CECR2: variants seen among roughly 807,000 people sequenced by gnomAD.
CECR2 encodes the protein chromatin remodeling regulator CECR2.
CECR2 carries 30 observed loss-of-function variants against 154.5 expected under a neutral mutation model. That is an observed-to-expected ratio of 0.19 (90% CI 0.15 to 0.26). CECR2 has a LOEUF of 0.26. Ranked by LOEUF, CECR2 falls within the 10% of genes least tolerant of loss-of-function variation. The probability of loss-of-function intolerance (pLI) is 1.00; values close to 1 mark genes in which losing one functional copy is unlikely to be tolerated. For missense variants in CECR2, 1,743 were observed against 1,829.3 expected (o/e 0.95, Z 0.86); for synonymous variants, 725 against 683.7 (o/e 1.06, Z -0.94).
At chr22:17,426,333 G>A (rs150967839) in intron 1 of CECR2, among the ~76,000 whole-genome samples, 56 of 152,124 alleles carry the variant, frequency 3.7e-4, no homozygotes, top group African/African-American at 1.3e-3. Flanking sequence ...AAGTCCATAT[G>A]TTGTAAATGG....
intron 8 of CECR2, among the ~76,000 whole-genome samples, chr22:17,520,336 C>G (rs925874687): frequency 2.0e-5 from 3 of 151,976 alleles, no homozygotes; most frequent in African/African-American, 4.8e-5. Flanking sequence ...ATTTTGGGGT[C>G]TGACATACAT....
At chr22:17,362,375 A>G (rs2062981376) in intron 1 of CECR2, among the ~76,000 whole-genome samples, 1 of 152,110 alleles carries the variant, frequency 6.6e-6, no homozygotes, top group Non-Finnish European at 1.5e-5. Flanking sequence ...GGGCCAAGTG[A>G]GTACTGATTA....
At chr22:17,426,297 A>C (rs1193379087) in intron 1 of CECR2, among the ~76,000 whole-genome samples, 1 of 138,878 alleles carries the variant, frequency 7.2e-6, no homozygotes, top group Non-Finnish European at 1.5e-5. Flanking sequence ...TACTTTTTAC[A>C]ATTTGTTTAA....
At chr22:17,504,612 T>A (rs1200401775) in intron 6 of CECR2, among the ~76,000 whole-genome samples, 2 of 151,412 alleles carry the variant, frequency 1.3e-5, no homozygotes, top group Non-Finnish European at 2.9e-5. Flanking sequence ...AATTTTTTTT[T>A]TTCTATTTTT....
At position 17,505,010 on chromosome 22, in the gene CECR2, C is replaced by T. The variant is rs908157469; in HGVS notation, c.864C>T (p.Ala288=). The T allele has an allele frequency of 1.9e-6, 3 of 1,613,040 alleles. No individual in the cohort carries two copies. Among genetic ancestry groups the T allele is most frequent in the Non-Finnish European group, 2.5e-6 (3 of 1,179,722 alleles). Residue 288 remains alanine, a synonymous_variant, in exon 7 of 19, where the codon GCC becomes GCT. Coordinates refer to ENST00000262608, the MANE Select transcript of CECR2 (RefSeq NM_001290047.2). ...DFLPEICNMI[A]QKGKRPQRTK... ...TGCCTGAGATCTGCAACATGATCGC[C>T]CAGAAGGTGCGCCACACTCTCTGCT...
At chr22:17,470,831 G>A (rs1314099893) in intron 1 of CECR2, among the ~76,000 whole-genome samples, 1 of 152,126 alleles carries the variant, frequency 6.6e-6, no homozygotes, top group East Asian at 1.9e-4. Flanking sequence ...AACTAACAGT[G>A]TGTTCTGCAG....
At chr22:17,383,451 T>C (rs1413409897) in intron 1 of CECR2, among the ~76,000 whole-genome samples, 1 of 152,156 alleles carries the variant, frequency 6.6e-6, no homozygotes, top group Admixed American at 6.6e-5. Context: ...TTCTAAATCT[T>C]TTGTTGTCAT....
chr22:17,548,753 C>A lies in CECR2; in HGVS notation c.3466C>A (p.Gln1156Lys). The A allele has an allele frequency of 6.2e-7, 1 of 1,613,792 alleles. No homozygotes were observed. The highest frequency in any genetic ancestry group is 8.5e-7 in the Non-Finnish European group (1 of 1,179,848). The stretch of plus-strand genomic sequence containing the variant: ...AGGGAAGTCCCCAGCATCCCATCCC[C>A]AGCATTTTCCCCCAAGGGGCTTTCA... ...MGGKSPASHP[Q>K]HFPPRGFQSN... is the part of the protein sequence containing the mutation. Residue 1156 changes from glutamine (Q) to lysine (K), a missense_variant, in exon 17 of 19, where the codon CAG (glutamine) becomes AAG (lysine). Around this residue, in one of 4 missense-constraint regions of CECR2, gnomAD observed 1,250 missense variants for 1,192.1 expected, o/e 1.05. Transcript: ENST00000262608.
chr22:17,551,481 G>A (rs1222863644), intron 17 of CECR2, among the ~76,000 whole-genome samples: 1 of 152,164 alleles, frequency 6.6e-6, no homozygotes, highest in Non-Finnish European at 1.5e-5. Flanking sequence ...GAGTGTTCCA[G>A]ATTCCAGATT....
In CECR2 at chr22:17,471,135, C is replaced by G. The variant is rs779531666; in HGVS notation, c.127-6453C>G. On this transcript the variant is annotated intron_variant, in intron 1 of 18. Coordinates refer to ENST00000262608, the MANE Select transcript of CECR2 (RefSeq NM_001290047.2). ...AGCAATACAAAGTCAAAGTAAAACTCTAGGAACCTGTGCCATTTTTACCCT... is the reference window on the plus strand; with the variant it reads ...AGCAATACAAAGTCAAAGTAAAACTGTAGGAACCTGTGCCATTTTTACCCT... Among the ~76,000 whole-genome samples the G allele has an allele frequency of 3.3e-4, 51 of 152,312 alleles. 1 individual carries two copies. Among genetic ancestry groups the G allele is most frequent in the Admixed American group, 9.8e-4 (15 of 15,300 alleles).
chr22:17,552,773 A>ATTTTTTTTTT, intron 18 of CECR2, 62 bp from the exon 19 acceptor site: 2 of 395,760 alleles, frequency 5.1e-6, no homozygotes, highest in Admixed American at 5.9e-5. Flanking sequence ...GGCTTACTTA[A>ATTTTTTTTTT]GTTTTTTTTT....
intron 1 of CECR2, among the ~76,000 whole-genome samples, chr22:17,462,650 T>G (rs1409711994): frequency 6.6e-6 from 1 of 152,148 alleles, no homozygotes; most frequent in African/African-American, 2.4e-5. Flanking sequence ...CTGCAGTGGC[T>G]CACGCCTGTA....
intron 1 of CECR2, chr22:17,477,294 A>C (rs1218281293): frequency 1.6e-6 from 1 of 608,226 alleles, no homozygotes; most frequent in African/African-American, 1.8e-5. Flanking sequence ...CTCTTTAATT[A>C]TGCAGCTAGC....
intron 1 of CECR2, among the ~76,000 whole-genome samples, chr22:17,421,422 C>T (rs978504120): frequency 3.9e-4 from 59 of 151,708 alleles, no homozygotes; most frequent in African/African-American, 1.4e-3. Context: ...GAGACCATCC[C>T]GGCTAAAATG....
At chr22:17,528,168 G>T (rs1214133923) in intron 9 of CECR2, among the ~76,000 whole-genome samples, 1 of 151,400 alleles carries the variant, frequency 6.6e-6, no homozygotes, top group Non-Finnish European at 1.5e-5. Flanking sequence ...GTGTCCGTCA[G>T]CAAATGAATG....
intron 1 of CECR2, among the ~76,000 whole-genome samples, chr22:17,420,025 G>A (rs2054221197): frequency 6.6e-6 from 1 of 152,124 alleles, no homozygotes; most frequent in South Asian, 2.1e-4. Context: ...GTTGTAGAGG[G>A]GAGGATAAAA....
At chr22:17,546,502 A>T in intron 16 of CECR2, among the ~76,000 whole-genome samples, 1 of 151,810 alleles carries the variant, frequency 6.6e-6, no homozygotes, top group Admixed American at 6.6e-5. Context: ...AAAAAAAAAA[A>T]AAAAATCCTG....
chr22:17,365,349 A>T (rs1408043068), upstream of CECR2, among the ~76,000 whole-genome samples: 4 of 152,370 alleles, frequency 2.6e-5, no homozygotes, highest in South Asian at 4.1e-4. Context: ...ACACATTTTT[A>T]AATTAATCCT....
chr22:17,406,789 C>T lies in CECR2; in HGVS notation c.126+36880C>T, dbSNP rs554797494. On this transcript the variant is annotated intron_variant, in intron 1 of 18. Coordinates refer to ENST00000262608, the MANE Select transcript of CECR2 (RefSeq NM_001290047.2). ...ATTATTTCATTAGTGCACTAATCAA[C>T]CACAGAGATTACCTGATTGGCTGCT... 3.3e-5 allele frequency among the ~76,000 whole-genome samples: 5 copies of T among 152,286 alleles called. No homozygotes were observed. In the South Asian group the frequency reaches 1.0e-3, roughly 32 times the overall value.
Sources: gnomAD v4.1 joint callset for allele counts (sites outside exome capture counted in the v4.1 genomes callset) on GRCh38, gnomAD v4.1.1 for gene constraint, gnomAD v4.1.1 regional missense constraint, MANE v1.5 for transcripts, NCBI Gene and HGNC (gene_info 2026-07-23, HGNC 2026-07-21) for gene names.